Variants in TMEM232 observed in about 807,000 individuals in gnomAD.
TMEM232 encodes the protein transmembrane protein 232.
TMEM232 carries 80 observed loss-of-function variants against 78.8 expected under a neutral mutation model. That is an observed-to-expected ratio of 1.01 (90% CI 0.85 to 1.22). The LOEUF is 1.22. TMEM232 is among the 50% of genes most tolerant of loss of function. TMEM232 has a pLI of 0.00. For synonymous variants in TMEM232, 297 were observed against 254.3 expected, an observed-to-expected ratio of 1.17 and a Z score of -1.60; for missense variants, 881 against 742.2, an observed-to-expected ratio of 1.19 and a Z score of -2.17.
intron 9 of TMEM232, 39 bp downstream of exon 9, chr5:110,606,125 T>G: frequency 6.7e-7 from 1 of 1,501,066 alleles, no homozygotes. Context: ...AATCTGTTTC[T>G]CTTCGGTTCT....
At chr5:110,391,421 A>G (rs1755190913) in intron 3 of TMEM232, among the ~76,000 whole-genome samples, 1 of 151,942 alleles carries the variant, frequency 6.6e-6, no homozygotes. Context: ...ATATTTATTG[A>G]GCCGATGTGT....
intron 12 of TMEM232, among the ~76,000 whole-genome samples, chr5:110,470,001 A>T (rs1441800063): frequency 6.6e-6 from 1 of 152,106 alleles, no homozygotes; most frequent in Admixed American, 6.5e-5. Flanking sequence ...AGCAACAGCC[A>T]TACTCTACCA....
chr5:110,457,377 G>C (rs1761020958), intron 12 of TMEM232, among the ~76,000 whole-genome samples: 1 of 152,152 alleles, frequency 6.6e-6, no homozygotes, highest in East Asian at 1.9e-4. Flanking sequence ...ACAATACCAA[G>C]TGCTGAAAAC....
intron 10 of TMEM232, among the ~76,000 whole-genome samples, chr5:110,587,099 T>C (rs576292232): frequency 1.3e-5 from 2 of 152,192 alleles, no homozygotes; most frequent in East Asian, 1.9e-4. Flanking sequence ...TGACAATTCA[T>C]CCATTTTAAA....
At chr5:110,514,366 C>T (rs1768269168) in intron 12 of TMEM232, among the ~76,000 whole-genome samples, 2 of 150,588 alleles carry the variant, frequency 1.3e-5, no homozygotes, top group African/African-American at 5.0e-5. Context: ...GTAAACCTTC[C>T]ACTTATTATT....
At chr5:110,699,667 T>C (rs112170270) in intron 1 of TMEM232, among the ~76,000 whole-genome samples, 17 of 151,918 alleles carry the variant, frequency 1.1e-4, no homozygotes, top group African/African-American at 4.1e-4. Flanking sequence ...CTGAAAAAAT[T>C]ATTCAAAGTT....
chr5:110,487,211 A>T (rs1231849115), intron 12 of TMEM232, among the ~76,000 whole-genome samples: 4 of 151,954 alleles, frequency 2.6e-5, no homozygotes, highest in African/African-American at 9.7e-5. Flanking sequence ...AGCTTTCTGG[A>T]GGAGTCTTTA....
chr5:110,663,230 C>T (rs1790048552), intron 2 of TMEM232, among the ~76,000 whole-genome samples: 1 of 151,948 alleles, frequency 6.6e-6, no homozygotes. Context: ...TAGCTACACT[C>T]AACATTAATG....
chr5:110,428,338 A>G (rs1757468590), intron 12 of TMEM232, among the ~76,000 whole-genome samples: 1 of 151,842 alleles, frequency 6.6e-6, no homozygotes, highest in Admixed American at 6.6e-5. Context: ...CACAATATTC[A>G]CTTTAGAAAA....
chr5:110,407,739 A>G (rs1755842864), intron 2 of TMEM232, among the ~76,000 whole-genome samples: 1 of 152,174 alleles, frequency 6.6e-6, no homozygotes, highest in South Asian at 2.1e-4. Flanking sequence ...TTTCATCACC[A>G]CATGGAACAT....
chr5:110,724,809 G>GTTAAATGACTA (rs1443733855), intron 1 of TMEM232, among the ~76,000 whole-genome samples: 1 of 152,076 alleles, frequency 6.6e-6, no homozygotes, highest in African/African-American at 2.4e-5. Context: ...TCACCAGATA[G>GTTAAATGACTA]GTATAGAGCA....
At position 110,627,818 on chromosome 5, in the gene TMEM232, A is replaced by C; in HGVS notation, c.564T>G (p.Phe188Leu). Reference sequence around the variant, plus strand: ...GTTGAAGCCTAAGTAAATGTTGTTTAAAACTTTCTAGATGACCATGCAGGA... The same window carrying C: ...GTTGAAGCCTAAGTAAATGTTGTTTCAAACTTTCTAGATGACCATGCAGGA... ...IFFLHGHLES[F>L]KQHLLRLQPY... The change falls in exon 6 of 14, where the codon TTT (phenylalanine) becomes TTG (leucine). Residue 188 changes from phenylalanine (F) to leucine (L), a missense_variant. Transcript: ENST00000455884. 1 of 1,536,552 alleles carries C rather than the reference A, an allele frequency of 6.5e-7. No individual in the cohort carries two copies. Among genetic ancestry groups the C allele is most frequent in the Non-Finnish European group, 8.8e-7 (1 of 1,142,726 alleles).
At chr5:110,662,102 A>C (rs1789881974) in intron 2 of TMEM232, among the ~76,000 whole-genome samples, 1 of 152,208 alleles carries the variant, frequency 6.6e-6, no homozygotes, top group East Asian at 1.9e-4. Context: ...TGAGACAAAG[A>C]TATTCAGAAT....
At chr5:110,677,009 C>A (rs1300275518) in intron 1 of TMEM232, among the ~76,000 whole-genome samples, 1 of 152,114 alleles carries the variant, frequency 6.6e-6, no homozygotes, top group Non-Finnish European at 1.5e-5. Context: ...GATCTGCCTG[C>A]CATAGCCTCC....
intron 2 of TMEM232, among the ~76,000 whole-genome samples, chr5:110,660,610 C>T (rs1789649014): frequency 6.6e-6 from 1 of 151,862 alleles, no homozygotes; most frequent in African/African-American, 2.4e-5. Context: ...AGGTAGAATA[C>T]CAGATAGTTT....
intron 10 of TMEM232, among the ~76,000 whole-genome samples, chr5:110,602,576 G>A (rs142747981): frequency 0.034 from 5,214 of 152,134 alleles, 125 homozygotes; most frequent in African/African-American, 0.065. Flanking sequence ...AGAAGTATAA[G>A]TCAAAACCAC....
upstream of TMEM232, among the ~76,000 whole-genome samples, chr5:110,727,586 G>C (rs1262562742): frequency 6.6e-6 from 1 of 152,090 alleles, no homozygotes; most frequent in Non-Finnish European, 1.5e-5. Flanking sequence ...CCCAGCCTGG[G>C]AAACAGAGCG....
chr5:110,571,682 G>GTTTTGTTT lies in TMEM232; in HGVS notation c.1277-3065_1277-3058dup, dbSNP rs1554112674. On this transcript the variant is annotated intron_variant, in intron 10 of 13. Coordinates refer to ENST00000455884, the MANE Select transcript of TMEM232 (RefSeq NM_001039763.4). Reference sequence around the variant, plus strand: ...CTATAGTTGTTTTTTTTGTTTGTTTGTTTTGTTTTTTTGTTTTTTTTTTAA... The same window carrying GTTTTGTTT: ...CTATAGTTGTTTTTTTTGTTTGTTTGTTTTGTTTTTTTGTTTTTTTGTTTTTTTTTTAA... Among the ~76,000 whole-genome samples, 4 of 147,714 alleles carry GTTTTGTTT rather than the reference G, an allele frequency of 2.7e-5. No individual in the cohort carries two copies. In the Admixed American group the frequency reaches 2.7e-4, roughly 10 times the overall value.
chr5:110,637,822 T>C (rs1026755761), intron 5 of TMEM232, among the ~76,000 whole-genome samples: 3 of 152,040 alleles, frequency 2.0e-5, no homozygotes, highest in African/African-American at 7.2e-5. Context: ...CAACTAAGTT[T>C]CCCAAATTGG....
Sources: allele counts gnomAD v4.1 joint callset (sites outside exome capture counted in the v4.1 genomes callset), GRCh38; gene constraint gnomAD v4.1.1; transcripts MANE v1.5; gene names NCBI Gene and HGNC (gene_info 2026-07-23, HGNC 2026-07-21).